Variants in MGMT observed in about 807,000 individuals in gnomAD.
MGMT encodes the protein methylated-DNA--protein-cysteine methyltransferase.
Under a neutral mutation model 15.9 loss-of-function variants are expected in MGMT, and 14 were observed. The observed-to-expected ratio is 0.88, with a 90% CI of 0.58 to 1.37. The LOEUF (loss-of-function observed/expected upper bound fraction) is 1.37. MGMT is among the 40% of genes most tolerant of loss of function. The pLI, the probability that MGMT is intolerant of heterozygous loss-of-function variation, is 0.00. For missense variants in MGMT, 282 were observed against 268.1 expected, an observed-to-expected ratio of 1.05 and a Z score of -0.36; for synonymous variants, 130 against 118.2, an observed-to-expected ratio of 1.10 and a Z score of -0.65.
intron 2 of MGMT, among the ~76,000 whole-genome samples, chr10:129,662,091 T>C (rs1351744425): frequency 6.6e-6 from 1 of 152,134 alleles, no homozygotes; most frequent in African/African-American, 2.4e-5. Flanking sequence ...GTGTCCTTTT[T>C]CATTCTTGTT....
At chr10:129,519,137 A>G (rs757195799) in intron 1 of MGMT, among the ~76,000 whole-genome samples, 5 of 152,338 alleles carry the variant, frequency 3.3e-5, no homozygotes, top group Non-Finnish European at 7.3e-5. Context: ...GGAGACTACC[A>G]AGCTGTCTTC....
chr10:129,765,683 C>T (rs1848925594), intron 4 of MGMT, among the ~76,000 whole-genome samples: 1 of 152,190 alleles, frequency 6.6e-6, no homozygotes, highest in African/African-American at 2.4e-5. Flanking sequence ...CAGGGGCTGA[C>T]CATCTCAGAA....
At chr10:129,632,682 C>T (rs1445457198) in intron 2 of MGMT, among the ~76,000 whole-genome samples, 3 of 152,184 alleles carry the variant, frequency 2.0e-5, no homozygotes, top group Non-Finnish European at 4.4e-5. Context: ...CTCTGGAAGG[C>T]TTGTGCACCT....
At position 129,566,295 on chromosome 10, in the gene MGMT, G is replaced by A. The variant is rs1378108092; in HGVS notation, c.125+29918G>A. The stretch of plus-strand genomic sequence containing the variant: ...GAGCACAAGCCTTGGGCAGAGGTGA[G>A]GCAGAGCTCTGACTGTTTCATTCGA... On this transcript the variant is annotated intron_variant, in intron 2 of 4. Transcript: ENST00000651593. The surrounding 1 kb of genome is among the most constrained non-coding windows in gnomAD (Gnocchi z 4.1). 6.6e-6 allele frequency among the ~76,000 whole-genome samples: 1 copy of A among 152,210 alleles called. No individual in the cohort carries two copies. Among genetic ancestry groups the A allele is most frequent in the East Asian group, 1.9e-4 (1 of 5,190 alleles).
intron 2 of MGMT, among the ~76,000 whole-genome samples, chr10:129,657,695 ACACACACACACG>A (rs1205674277): frequency 1.3e-4 from 18 of 139,258 alleles, no homozygotes; most frequent in African/African-American, 3.8e-4. Context: ...ACACACACAC[ACACACACACACG>A]CACACACACA....
rs1848962598 is a variant in MGMT at position 129,768,370 on chromosome 10, G to T, written c.*1373G>T. On this transcript the variant is annotated 3_prime_UTR_variant, in exon 5 of 5. Coordinates refer to ENST00000651593, the MANE Select transcript of MGMT (RefSeq NM_002412.5). Reference sequence around the variant, plus strand: ...TTAACTCTTGGTATTTTTGAAGCAGGATAAGTCACACAGCGGGTCACGTAG... The same window carrying T: ...TTAACTCTTGGTATTTTTGAAGCAGTATAAGTCACACAGCGGGTCACGTAG... Among the ~76,000 whole-genome samples, 1 of 152,250 alleles carries T rather than the reference G, an allele frequency of 6.6e-6. No homozygotes were observed. The highest frequency in any genetic ancestry group is 6.5e-5 in the Admixed American group (1 of 15,286).
intron 2 of MGMT, among the ~76,000 whole-genome samples, chr10:129,691,398 C>T (rs138617991): frequency 2.0e-5 from 3 of 152,360 alleles, no homozygotes; most frequent in Non-Finnish European, 2.9e-5. Flanking sequence ...CAGCAGGCAG[C>T]TGGGCCCAGA....
At chr10:129,729,494 C>T (rs1194069671) in intron 3 of MGMT, among the ~76,000 whole-genome samples, 1 of 152,216 alleles carries the variant, frequency 6.6e-6, no homozygotes, top group Non-Finnish European at 1.5e-5. Context: ...CAACCAAAGT[C>T]AGCTGTGCCG....
At chr10:129,639,632 A>C (rs913376960) in intron 2 of MGMT, among the ~76,000 whole-genome samples, 20 of 152,248 alleles carry the variant, frequency 1.3e-4, no homozygotes, top group Non-Finnish European at 2.6e-4. Flanking sequence ...AATGTTTTGA[A>C]TTAAATGAAC....
chr10:129,684,008 C>G lies in MGMT; in HGVS notation c.126-23887C>G, dbSNP rs142944753. On this transcript the variant is annotated intron_variant, in intron 2 of 4. Transcript: ENST00000651593. The stretch of plus-strand genomic sequence containing the variant: ...AGCTGCTCCCCACTCATCCCACAGC[C>G]CAGACACTTCATTACAGATGCCTCG... 7.2e-5 allele frequency among the ~76,000 whole-genome samples: 11 copies of G among 152,308 alleles called. No homozygotes were observed. In the East Asian group the frequency reaches 1.9e-3, roughly 27 times the overall value.
chr10:129,597,013 G>A (rs1846759223), intron 2 of MGMT, among the ~76,000 whole-genome samples: 1 of 152,160 alleles, frequency 6.6e-6, no homozygotes, highest in Admixed American at 6.5e-5. Flanking sequence ...AGATCTAGGA[G>A]TTTTCCCTAA....
Position 129,707,827 on chromosome 10 carries a change from T to A in MGMT, c.126-68T>A, listed in dbSNP as rs541006693. ...TGTTTGCCCGTTTAGATGCAGTAGG[T>A]GTTTGCTTTTCCGATGTGTGGAGGC... On this transcript the variant is annotated intron_variant, in intron 2 of 4. Coordinates refer to ENST00000651593, the MANE Select transcript of MGMT (RefSeq NM_002412.5). 3 of 1,593,754 alleles carry A rather than the reference T, an allele frequency of 1.9e-6. No homozygotes were observed. In the East Asian group the frequency reaches 6.7e-5, roughly 36 times the overall value.
chr10:129,727,210 G>T (rs764342072), intron 3 of MGMT, among the ~76,000 whole-genome samples: 35 of 152,220 alleles, frequency 2.3e-4, no homozygotes, highest in Non-Finnish European at 4.8e-4. Context: ...GGATATGGAG[G>T]AAGTGATGGT....
At chr10:129,477,947 T>C (rs1039135917) in intron 1 of MGMT, among the ~76,000 whole-genome samples, 10 of 152,200 alleles carry the variant, frequency 6.6e-5, no homozygotes, top group East Asian at 3.9e-4. Flanking sequence ...CCAAAAGATA[T>C]GAGTGTATTG....
At chr10:129,516,321 T>G (rs1004105406) in intron 1 of MGMT, among the ~76,000 whole-genome samples, 6 of 152,198 alleles carry the variant, frequency 3.9e-5, no homozygotes, top group Admixed American at 6.5e-5. Flanking sequence ...AATAGGGAAT[T>G]CTTTCTAGAG....
At chr10:129,497,729 G>A (rs965735701) in intron 1 of MGMT, among the ~76,000 whole-genome samples, 4 of 152,172 alleles carry the variant, frequency 2.6e-5, no homozygotes, top group African/African-American at 9.7e-5. Context: ...CTTTGGAGGT[G>A]GGGCCTTTGG....
At chr10:129,663,190 G>T (rs1263060022) in intron 2 of MGMT, among the ~76,000 whole-genome samples, 1 of 152,202 alleles carries the variant, frequency 6.6e-6, no homozygotes, top group East Asian at 1.9e-4. Context: ...AACATTCTCT[G>T]ATCACAGTGC....
intron 3 of MGMT, among the ~76,000 whole-genome samples, chr10:129,745,757 C>A (rs777861865): frequency 6.6e-6 from 1 of 152,038 alleles, no homozygotes; most frequent in African/African-American, 2.4e-5. Context: ...CTTATATCCT[C>A]TTTGGGGAAG....
intron 1 of MGMT, among the ~76,000 whole-genome samples, chr10:129,519,508 T>C (rs1489663987): frequency 1.3e-5 from 2 of 152,216 alleles, no homozygotes; most frequent in Non-Finnish European, 2.9e-5. Context: ...TGCGGTGAGA[T>C]GGAGCCTGTC....
Sources: allele counts gnomAD v4.1 joint callset (sites outside exome capture counted in the v4.1 genomes callset), GRCh38; gene constraint gnomAD v4.1.1; non-coding constraint Gnocchi (gnomAD v3.1); transcripts MANE v1.5; gene names NCBI Gene and HGNC (gene_info 2026-07-23, HGNC 2026-07-21).